Variants in DCTN1 observed in about 807,000 individuals in gnomAD.
DCTN1 encodes the protein 150 kDa dynein-associated polypeptide.
Under a neutral mutation model 161.2 loss-of-function variants are expected in DCTN1, and 61 were observed. The observed-to-expected ratio is 0.38, with a 90% CI of 0.31 to 0.47. The LOEUF is 0.47. Ranked by LOEUF, DCTN1 falls within the 20% of genes least tolerant of loss-of-function variation. The probability of loss-of-function intolerance (pLI) is 0.99; values close to 1 mark genes in which losing one functional copy is unlikely to be tolerated. For missense variants in DCTN1, 1,404 were observed against 1,623.7 expected, an observed-to-expected ratio of 0.86 and a Z score of 2.33; for synonymous variants, 653 against 632.4, an observed-to-expected ratio of 1.03 and a Z score of -0.49.
rs776143255 is a variant in DCTN1 at position 74,361,385 on chromosome 2, G to A, written c.*114C>T. ...AAGGGTGGGAGTGAAGCTGAACGGG[G>A]CAGGAAGAGCTTAACCCACGTTTCT... On this transcript the variant is annotated 3_prime_UTR_variant, in exon 32 of 32. Coordinates refer to ENST00000628224, the MANE Select transcript of DCTN1 (RefSeq NM_004082.5). The A allele has an allele frequency of 2.7e-6, 4 of 1,462,560 alleles. No homozygotes were observed. The highest frequency in any genetic ancestry group is 1.2e-5 in the South Asian group (1 of 84,760). 90.6% of individuals were successfully genotyped at this position (1,462,560 alleles called of 1,614,324 possible). A position where few individuals can be genotyped will look rare whatever the true frequency, so the allele number is the denominator to read the frequency against.
intron 8 of DCTN1, 123 bp downstream of exon 8, chr2:74,371,414 G>A (rs1337787146): frequency 7.9e-7 from 1 of 1,260,514 alleles, no homozygotes; most frequent in Non-Finnish European, 1.1e-6. Context: ...CATAGGCTAT[G>A]TCCTCACCCT....
In DCTN1 at chr2:74,390,482, A is replaced by C. The variant is rs144745552; in HGVS notation, c.-19+1312T>G. On this transcript the variant is annotated intron_variant, in intron 1 of 27. Coordinates refer to the DCTN1 transcript ENST00000409240. Reference sequence around the variant, plus strand: ...TGCAAAATTTGCCAAATTGGCAAGAATATTTCAGATAGAATTCAACACTAC... The same window carrying C: ...TGCAAAATTTGCCAAATTGGCAAGACTATTTCAGATAGAATTCAACACTAC... The C allele has an allele frequency of 4.7e-3, 1,114 of 236,672 alleles. 11 individuals are homozygous for C. The highest frequency in any genetic ancestry group is 0.023 in the African/African-American group (1,039 of 44,716). 14.7% of individuals were successfully genotyped at this position (236,672 alleles called of 1,614,324 possible). A position where few individuals can be genotyped will look rare whatever the true frequency, so the allele number is the denominator to read the frequency against.
At chr2:74,368,528 T>C (rs1674591220) in intron 16 of DCTN1, 200 bp downstream of exon 16, 1 of 740,952 alleles carries the variant, frequency 1.3e-6, no homozygotes, top group African/African-American at 1.7e-5. Context: ...AATCTCTAAT[T>C]GTGCTCTCTC....
rs376497087 is a variant in DCTN1, at chr2:74,367,678, C to A, written c.2184+18G>T. Reference sequence around the variant, plus strand: ...GCTTCCCTGCCTCCTGCCCCAAGCCCAAATTCTTGCCCCACACCTGATAGT... The same window carrying A: ...GCTTCCCTGCCTCCTGCCCCAAGCCAAAATTCTTGCCCCACACCTGATAGT... On this transcript the variant is annotated intron_variant, in intron 18 of 31. Coordinates refer to ENST00000628224, the MANE Select transcript of DCTN1 (RefSeq NM_004082.5). The A allele has an allele frequency of 5.6e-5, 91 of 1,614,012 alleles. No individual in the cohort carries two copies. Among genetic ancestry groups the A allele is most frequent in the Non-Finnish European group, 7.4e-5 (87 of 1,180,042 alleles).
rs563630664 is a variant in DCTN1, at chr2:74,369,205, G to C, written c.1594C>G (p.Arg532Gly). 1 of 1,614,068 alleles carries C rather than the reference G, an allele frequency of 6.2e-7. No individual in the cohort carries two copies. The highest frequency in any genetic ancestry group is 1.3e-5 in the African/African-American group (1 of 74,918). ...QLTAHLQDVN[R>G]ELTNQQEASV... ...GCTTCCTGCTGGTTTGTCAGTTCCC[G>C]ATTCACATCCTAGGAGGAGAGACAG... is the stretch of plus-strand genomic sequence containing the variant. Residue 532 changes from arginine to glycine, a missense_variant, in exon 15 of 32, where the codon CGG becomes GGG. Transcript: ENST00000628224. This position sits in a 1 kb window ranked among gnomAD's most constrained non-coding sequence, Gnocchi z 4.9.
chr2:74,375,599 T>C (rs1342272611), intron 5 of DCTN1, among the ~76,000 whole-genome samples: 1 of 152,138 alleles, frequency 6.6e-6, no homozygotes, highest in Non-Finnish European at 1.5e-5. Flanking sequence ...CAGAACTCCA[T>C]AAATATCAGA....
chr2:74,387,783 A>T (rs1675808930), intron 1 of DCTN1, among the ~76,000 whole-genome samples: 1 of 150,122 alleles, frequency 6.7e-6, no homozygotes, highest in African/African-American at 2.5e-5. Context: ...TTCAATTTCC[A>T]CATTTAGCTT....
chr2:74,361,441 C>A lies in DCTN1; in HGVS notation c.*58G>T. 2 of 1,611,670 alleles carry A rather than the reference C, an allele frequency of 1.2e-6. No homozygotes were observed. The highest frequency in any genetic ancestry group is 1.7e-6 in the Non-Finnish European group (2 of 1,179,462). On this transcript the variant is annotated 3_prime_UTR_variant, in exon 32 of 32. Coordinates refer to ENST00000628224, the MANE Select transcript of DCTN1 (RefSeq NM_004082.5). Reference sequence around the variant, plus strand: ...GGGGCTGGCTGAGGTGGCTGTGCATCGGGCAGAGCGGCACCAGAGGGCTGA... The same window carrying A: ...GGGGCTGGCTGAGGTGGCTGTGCATAGGGCAGAGCGGCACCAGAGGGCTGA...
intron 23 of DCTN1, 52 bp from the exon 24 acceptor site, chr2:74,366,070 A>G (rs779387697): frequency 6.2e-7 from 1 of 1,613,822 alleles, no homozygotes; most frequent in South Asian, 1.1e-5. Flanking sequence ...AGAAGAGATC[A>G]TCACTGTGCT....
chr2:74,388,479 T>C (rs898883151), intron 1 of DCTN1, among the ~76,000 whole-genome samples: 1 of 152,228 alleles, frequency 6.6e-6, no homozygotes, highest in African/African-American at 2.4e-5. Context: ...TATCTGCCTT[T>C]CCCTTTATGC....
chr2:74,375,955 A>C (rs1675198117), intron 5 of DCTN1, among the ~76,000 whole-genome samples: 1 of 152,242 alleles, frequency 6.6e-6, no homozygotes, highest in Non-Finnish European at 1.5e-5. Flanking sequence ...AGAATTGTAC[A>C]TACAGCACAG....
intron 8 of DCTN1, 123 bp from the exon 9 acceptor site, chr2:74,371,299 A>G (rs1674825286): frequency 5.6e-6 from 9 of 1,594,584 alleles, no homozygotes; most frequent in Non-Finnish European, 7.7e-6. Context: ...GCCAACAGTC[A>G]GTGGCATAAG....
At chr2:74,382,267 C>T (rs72905432), upstream of DCTN1, among the ~76,000 whole-genome samples, 2,841 of 152,244 alleles carry the variant, frequency 0.019, 101 homozygotes, top group African/African-American at 0.064. Flanking sequence ...GCCATATCTA[C>T]GTCAGTATCA....
At chr2:74,384,225 A>T (rs1354256467), upstream of DCTN1, among the ~76,000 whole-genome samples, 2 of 152,252 alleles carry the variant, frequency 1.3e-5, no homozygotes, top group African/African-American at 2.4e-5. Flanking sequence ...CCTGTGATGT[A>T]GCCAAAACAG....
Position 74,361,511 on chromosome 2 carries a change from G to T in DCTN1, c.3825C>A (p.Arg1275=), listed in dbSNP as rs773669685. The T allele has an allele frequency of 1.2e-6, 2 of 1,614,122 alleles. No individual in the cohort carries two copies. Among genetic ancestry groups the T allele is most frequent in the South Asian group, 2.2e-5 (2 of 91,080 alleles). The change falls in exon 32 of 32, where the codon CGC becomes CGA. Residue 1275 remains arginine (R), a synonymous_variant. Coordinates refer to ENST00000628224, the MANE Select transcript of DCTN1 (RefSeq NM_004082.5). ...GGGAAAGGAGTGCTTAGGAGATGAGGCGACTGTGAAGCTGGTGCAGCTGCT... is the reference window on the plus strand; with the variant it reads ...GGGAAAGGAGTGCTTAGGAGATGAGTCGACTGTGAAGCTGGTGCAGCTGCT... ...TQEQLHQLHS[R]LIS
At chr2:74,372,899 G>A (rs1674969915) in intron 7 of DCTN1, 29 bp downstream of exon 7, 7 of 1,612,292 alleles carry the variant, frequency 4.3e-6, no homozygotes, top group African/African-American at 1.3e-5. Context: ...ACACTCAGCA[G>A]TGGCTCACAC....
In DCTN1 at chr2:74,366,938, C is replaced by T; in HGVS notation, c.2317-6G>A. ...TCTGTAGCCTCCTGCCCACCCTACTCAGGAAAAAGAAAATGGATGGAGAAC... is the reference window on the plus strand; with the variant it reads ...TCTGTAGCCTCCTGCCCACCCTACTTAGGAAAAAGAAAATGGATGGAGAAC... On this transcript the variant is annotated splice_region_variant and splice_polypyrimidine_tract_variant and intron_variant, in intron 20 of 31. Coordinates refer to ENST00000628224, the MANE Select transcript of DCTN1 (RefSeq NM_004082.5). 6.2e-7 allele frequency: 1 copy of T among 1,614,156 alleles called. No homozygotes were observed. Among genetic ancestry groups the T allele is most frequent in the South Asian group, 1.1e-5 (1 of 91,082 alleles).
chr2:74,378,308 A>T (rs1023579073), intron 1 of DCTN1, 63 bp from the exon 2 acceptor site: 92 of 1,585,930 alleles, frequency 5.8e-5, no homozygotes, highest in Non-Finnish European at 7.5e-5. Context: ...ATTCTTATGT[A>T]TAAGAAATGC....
In DCTN1 at chr2:74,369,022, C is replaced by T. The variant is rs1211683962; in HGVS notation, c.1701+76G>A. 39 of 1,568,146 alleles carry T rather than the reference C, an allele frequency of 2.5e-5. No homozygotes were observed. The East Asian group carries it at 8.8e-4, about 35-fold the overall frequency. On this transcript the variant is annotated intron_variant, in intron 15 of 31. Coordinates refer to ENST00000628224, the MANE Select transcript of DCTN1 (RefSeq NM_004082.5). The surrounding 1 kb of genome is among the most constrained non-coding windows in gnomAD (Gnocchi z 4.9). ...AACCACCACACAAAGCACCCCTTCC[C>T]CCAGGAATCTGAAGCCCAGACCCCA...
Sources: gnomAD v4.1 joint callset for allele counts (sites outside exome capture counted in the v4.1 genomes callset) on GRCh38, gnomAD v4.1.1 for gene constraint, Gnocchi (gnomAD v3.1) non-coding constraint, MANE v1.5 for transcripts, NCBI Gene and HGNC (gene_info 2026-07-23, HGNC 2026-07-21) for gene names.